Variants in PTPRD observed in about 807,000 individuals in gnomAD.
PTPRD encodes the protein receptor-type tyrosine-protein phosphatase delta.
In PTPRD, 34 loss-of-function variants were observed where a neutral mutation model predicts 214.5. The ratio of observed to expected loss-of-function variants is 0.16; its 90% confidence interval spans 0.12 to 0.21. The LOEUF is 0.21. Ranked by LOEUF, PTPRD falls within the 10% of genes least tolerant of loss-of-function variation. The pLI is 1.00. For missense variants in PTPRD, 2,545 were observed against 2,398.7 expected (o/e 1.06, Z -1.27); for synonymous variants, 1,128 against 845.7 (o/e 1.33, Z -5.79).
chr9:10,275,338 A>G (rs1224020604), intron 3 of PTPRD, among the ~76,000 whole-genome samples: 7 of 152,152 alleles, frequency 4.6e-5, no homozygotes, highest in South Asian at 2.1e-4. Flanking sequence ...GAGATGTGCT[A>G]TTTTCAAGAT....
intron 7 of PTPRD, among the ~76,000 whole-genome samples, chr9:9,639,026 T>C (rs997225667): frequency 3.3e-5 from 5 of 152,170 alleles, no homozygotes; most frequent in African/African-American, 1.2e-4. Flanking sequence ...CACCTCCCAA[T>C]ACTGTTGCAT....
chr9:8,628,127 A>C (rs1448315365), intron 14 of PTPRD, among the ~76,000 whole-genome samples: 1 of 151,794 alleles, frequency 6.6e-6, no homozygotes, highest in South Asian at 2.1e-4. Context: ...TTGTTCTTTA[A>C]TGTTCCTAGC....
At chr9:9,607,203 C>T (rs2094218729) in intron 7 of PTPRD, among the ~76,000 whole-genome samples, 1 of 151,974 alleles carries the variant, frequency 6.6e-6, no homozygotes, top group Non-Finnish European at 1.5e-5. Flanking sequence ...ATTTTGATGA[C>T]TTAGAGCATA....
chr9:8,729,758 C>G (rs1432671398), intron 12 of PTPRD, among the ~76,000 whole-genome samples: 1 of 152,188 alleles, frequency 6.6e-6, no homozygotes, highest in East Asian at 1.9e-4. Flanking sequence ...ACTTCAAAAC[C>G]AGACTATGGC....
rs1430198995 is a variant in PTPRD, at chr9:10,585,276, T to A, written c.-600+27122A>T. Among the ~76,000 whole-genome samples the A allele has an allele frequency of 2.0e-5, 3 of 152,178 alleles. No individual in the cohort carries two copies. In the East Asian group the frequency reaches 5.8e-4, roughly 29 times the overall value. Reference sequence around the variant, plus strand: ...ATAACTTATTTTTTGTGCTCATCCTTCTCTTGGATATTTGCTATTTGTGTA... The same window carrying A: ...ATAACTTATTTTTTGTGCTCATCCTACTCTTGGATATTTGCTATTTGTGTA... On this transcript the variant is annotated intron_variant, in intron 2 of 45. Coordinates refer to ENST00000381196, the MANE Select transcript of PTPRD (RefSeq NM_002839.4).
intron 2 of PTPRD, among the ~76,000 whole-genome samples, chr9:10,364,145 G>A (rs985637403): frequency 1.1e-4 from 16 of 151,452 alleles, no homozygotes; most frequent in African/African-American, 1.9e-4. Context: ...GACTACAGGC[G>A]CCCGCCACCA....
At chr9:9,161,136 A>C (rs906992957) in intron 10 of PTPRD, among the ~76,000 whole-genome samples, 26 of 152,144 alleles carry the variant, frequency 1.7e-4, no homozygotes, top group African/African-American at 6.0e-4. Flanking sequence ...ATTGCACGGC[A>C]GGGTGACTAT....
intron 2 of PTPRD, among the ~76,000 whole-genome samples, chr9:10,459,560 C>T (rs933920721): frequency 1.3e-5 from 2 of 152,158 alleles, no homozygotes; most frequent in Non-Finnish European, 2.9e-5. Flanking sequence ...TCTCCAGCAT[C>T]TGTTGTTTCC....
chr9:10,260,285 T>C (rs899451908), intron 3 of PTPRD, among the ~76,000 whole-genome samples: 7 of 152,166 alleles, frequency 4.6e-5, no homozygotes, highest in African/African-American at 1.4e-4. Context: ...TTTCAGAACC[T>C]TACCCGGCCC....
intron 3 of PTPRD, among the ~76,000 whole-genome samples, chr9:10,200,023 G>GT (rs2099413325): frequency 6.6e-6 from 1 of 151,712 alleles, no homozygotes; most frequent in Non-Finnish European, 1.5e-5. Context: ...GCATACTAAG[G>GT]TTTTTTACTG....
chr9:9,522,049 C>T (rs1024858015), intron 8 of PTPRD, among the ~76,000 whole-genome samples: 8 of 145,934 alleles, frequency 5.5e-5, no homozygotes, highest in African/African-American at 1.3e-4. Flanking sequence ...GCCAGCTACT[C>T]GGGAGGCTGA....
chr9:9,803,986 G>A (rs2099057923), intron 5 of PTPRD, among the ~76,000 whole-genome samples: 1 of 152,020 alleles, frequency 6.6e-6, no homozygotes, highest in African/African-American at 2.4e-5. Context: ...TGGAGCAATG[G>A]AACAAGAATT....
chr9:10,527,230 G>A lies in PTPRD; in HGVS notation c.-600+85168C>T, dbSNP rs185437873. ...TTCTTTAAAACAGATAAATATGCTC[G>A]CAAGTCTGCTCATGCCTCCCACTAC... On this transcript the variant is annotated intron_variant, in intron 2 of 45. Coordinates refer to ENST00000381196, the MANE Select transcript of PTPRD (RefSeq NM_002839.4). Among the ~76,000 whole-genome samples, 86 of 152,110 alleles carry A rather than the reference G, an allele frequency of 5.7e-4. No homozygotes were observed. The East Asian group carries it at 0.014, about 24-fold the overall frequency.
chr9:9,530,917 T>G (rs925481708), intron 8 of PTPRD, among the ~76,000 whole-genome samples: 1 of 151,438 alleles, frequency 6.6e-6, no homozygotes, highest in Non-Finnish European at 1.5e-5. Flanking sequence ...TGAGGAGGGG[T>G]TGGTGAATGA....
rs531846388 is a variant in PTPRD, at chr9:8,333,839, C to G, written c.5380-2103G>C. Among the ~76,000 whole-genome samples the G allele has an allele frequency of 5.3e-5, 8 of 151,008 alleles. No individual in the cohort carries two copies. The East Asian group carries it at 9.7e-4, about 18-fold the overall frequency. ...CATAAAGGGATGGAGGAAGATCTACCAAGCAAATGGAAGGCAAAAAAAAAG... is the reference window on the plus strand; with the variant it reads ...CATAAAGGGATGGAGGAAGATCTACGAAGCAAATGGAAGGCAAAAAAAAAG... On this transcript the variant is annotated intron_variant, in intron 43 of 45. Coordinates refer to ENST00000381196, the MANE Select transcript of PTPRD (RefSeq NM_002839.4).
At chr9:9,221,420 G>T (rs2099955930) in intron 9 of PTPRD, among the ~76,000 whole-genome samples, 1 of 152,050 alleles carries the variant, frequency 6.6e-6, no homozygotes, top group South Asian at 2.1e-4. Flanking sequence ...GGCTTGGGCT[G>T]CCACAACATA....
At chr9:10,347,409 C>CTTT (rs201173966) in intron 2 of PTPRD, among the ~76,000 whole-genome samples, 4 of 127,934 alleles carry the variant, frequency 3.1e-5, no homozygotes, top group South Asian at 2.5e-4. Flanking sequence ...AGCTATTTGT[C>CTTT]TTTTTTTTTT....
At chr9:8,942,472 T>A (rs1045732998) in intron 11 of PTPRD, among the ~76,000 whole-genome samples, 7 of 152,170 alleles carry the variant, frequency 4.6e-5, no homozygotes, top group Non-Finnish European at 1.0e-4. Context: ...GCAACTGGAC[T>A]TGCAGTTAGT....
intron 2 of PTPRD, among the ~76,000 whole-genome samples, chr9:10,505,361 G>A (rs561505992): frequency 6.6e-6 from 1 of 152,224 alleles, no homozygotes; most frequent in Admixed American, 6.5e-5. Context: ...TAGTTTTCAT[G>A]AAAGAGCTGC....
Sources: allele counts gnomAD v4.1 joint callset (sites outside exome capture counted in the v4.1 genomes callset), GRCh38; gene constraint gnomAD v4.1.1; transcripts MANE v1.5; gene names NCBI Gene and HGNC (gene_info 2026-07-23, HGNC 2026-07-21).